Variants in ITFG1 observed in about 807,000 individuals in gnomAD.
ITFG1 encodes the protein integrin alpha FG-GAP repeat containing 1, also known as T-cell immunomodulatory protein.
ITFG1 carries 34 observed loss-of-function variants against 81.8 expected under a neutral mutation model. That is an observed-to-expected ratio of 0.42 (90% confidence interval 0.32 to 0.55). ITFG1 has a LOEUF of 0.55. Among genes scored for constraint, ITFG1 ranks in the 20% least tolerant of loss-of-function variants. The pLI is 0.17. For synonymous variants in ITFG1, 285 were observed against 270.6 expected, an observed-to-expected ratio of 1.05 and a Z score of -0.52; for missense variants, 672 against 755.4, an observed-to-expected ratio of 0.89 and a Z score of 1.29.
intron 14 of ITFG1, among the ~76,000 whole-genome samples, chr16:47,170,830 G>A (rs143924088): frequency 0.02 from 2,922 of 145,070 alleles, 98 homozygotes; most frequent in African/African-American, 0.071. Flanking sequence ...CTGCCTCCTG[G>A]GTTCAAGTGG....
chr16:47,288,744 C>T lies in ITFG1; in HGVS notation c.1070+22496G>A, dbSNP rs961371730. Among the ~76,000 whole-genome samples, 3 of 152,118 alleles carry T rather than the reference C, an allele frequency of 2.0e-5. No homozygotes were observed. The South Asian group carries it at 6.2e-4, about 31-fold the overall frequency. On this transcript the variant is annotated intron_variant, in intron 10 of 17. Coordinates refer to ENST00000320640, the MANE Select transcript of ITFG1 (RefSeq NM_030790.5). ...TGAAACCCCGTCTCCACCAGAAACA[C>T]AAAAACTAGCCAGCGTGGTGGTGCA...
intron 6 of ITFG1, among the ~76,000 whole-genome samples, chr16:47,402,366 C>A (rs1224238190): frequency 6.6e-6 from 1 of 152,098 alleles, no homozygotes; most frequent in Non-Finnish European, 1.5e-5. Flanking sequence ...AAAATAAATT[C>A]TTATTATAGT....
chr16:47,298,966 T>C (rs1472444399), intron 10 of ITFG1, among the ~76,000 whole-genome samples: 1 of 151,924 alleles, frequency 6.6e-6, no homozygotes, highest in Non-Finnish European at 1.5e-5. Context: ...AAAGCCAGAT[T>C]GGGGAACCCT....
intron 14 of ITFG1, among the ~76,000 whole-genome samples, chr16:47,207,025 T>C (rs527378585): frequency 6.6e-6 from 1 of 152,376 alleles, no homozygotes; most frequent in Admixed American, 6.5e-5. Flanking sequence ...AGTATTATGA[T>C]AGTATTTCTC....
intron 12 of ITFG1, among the ~76,000 whole-genome samples, chr16:47,246,377 G>C (rs953486723): frequency 6.6e-6 from 1 of 152,156 alleles, no homozygotes; most frequent in African/African-American, 2.4e-5. Flanking sequence ...CCATAGATAT[G>C]TGTTATAAAA....
chr16:47,315,962 T>C (rs1967350797), intron 8 of ITFG1, among the ~76,000 whole-genome samples: 1 of 152,124 alleles, frequency 6.6e-6, no homozygotes, highest in East Asian at 1.9e-4. Context: ...GGCTAACTTT[T>C]GTATATTCAG....
intron 8 of ITFG1, among the ~76,000 whole-genome samples, chr16:47,349,248 T>TC (rs1171586135): frequency 6.6e-6 from 1 of 152,184 alleles, no homozygotes; most frequent in Non-Finnish European, 1.5e-5. Flanking sequence ...ATGCTCCAAT[T>TC]AAAAGGCACG....
intron 6 of ITFG1, among the ~76,000 whole-genome samples, chr16:47,404,301 A>G (rs1489630851): frequency 6.6e-6 from 1 of 152,234 alleles, no homozygotes; most frequent in Non-Finnish European, 1.5e-5. Context: ...ATAACACATA[A>G]GAGAGTATAA....
intron 14 of ITFG1, among the ~76,000 whole-genome samples, chr16:47,182,645 G>A (rs960541860): frequency 6.6e-6 from 1 of 152,202 alleles, no homozygotes; most frequent in Non-Finnish European, 1.5e-5. Flanking sequence ...CTCATTTGTA[G>A]AATTAGAATA....
At chr16:47,270,495 G>A (rs1364262230) in intron 10 of ITFG1, among the ~76,000 whole-genome samples, 1 of 152,186 alleles carries the variant, frequency 6.6e-6, no homozygotes, top group South Asian at 2.1e-4. Flanking sequence ...AAACTGGCAT[G>A]TCTGCCATTT....
At chr16:47,328,131 C>G (rs75156732) in intron 8 of ITFG1, among the ~76,000 whole-genome samples, 1 of 152,138 alleles carries the variant, frequency 6.6e-6, no homozygotes, top group Non-Finnish European at 1.5e-5. Flanking sequence ...CCATGGAATA[C>G]TATGCAGCCA....
At chr16:47,368,555 C>CAAAAAAAAAAAAAAA (rs35965452) in intron 7 of ITFG1, among the ~76,000 whole-genome samples, 10 of 33,572 alleles carry the variant, frequency 3.0e-4, no homozygotes, top group African/African-American at 6.8e-4. Flanking sequence ...GACTCCATCT[C>CAAAAAAAAAAAAAAA]AAAAAAAAAA....
intron 8 of ITFG1, among the ~76,000 whole-genome samples, chr16:47,349,371 C>A (rs1315915754): frequency 6.6e-5 from 10 of 152,116 alleles, no homozygotes; most frequent in East Asian, 1.9e-4. Flanking sequence ...GAAGATCTAC[C>A]AAGCAAATGG....
chr16:47,165,544 T>C (rs1964878101), intron 14 of ITFG1, among the ~76,000 whole-genome samples: 1 of 152,268 alleles, frequency 6.6e-6, no homozygotes, highest in Admixed American at 6.5e-5. Context: ...AAATTTATTC[T>C]TACAGAGTTG....
At chr16:47,422,243 G>A (rs1418365308) in intron 6 of ITFG1, among the ~76,000 whole-genome samples, 1 of 152,140 alleles carries the variant, frequency 6.6e-6, no homozygotes, top group African/African-American at 2.4e-5. Context: ...GATCCTTGAG[G>A]AATCACCACA....
Position 47,235,284 on chromosome 16 carries a change from G to T in ITFG1, c.1374+2681C>A, listed in dbSNP as rs191182556. ...AGTTAAAGGTACTGGCAGAAGTAAT[G>T]TTGGTGTGTGGTAACTAAATAAGGA... On this transcript the variant is annotated intron_variant, in intron 13 of 17. Transcript: ENST00000320640. Among the ~76,000 whole-genome samples the T allele has an allele frequency of 4.6e-3, 693 of 152,290 alleles. 3 individuals carry two copies. The highest frequency in any genetic ancestry group is 7.2e-3 in the Non-Finnish European group (490 of 68,024).
intron 13 of ITFG1, among the ~76,000 whole-genome samples, chr16:47,234,509 C>G (rs985204877): frequency 6.6e-6 from 1 of 151,998 alleles, no homozygotes; most frequent in African/African-American, 2.4e-5. Context: ...AATGATTGAG[C>G]AATTTCCAAA....
chr16:47,253,167 G>C (rs1409963203), intron 12 of ITFG1, among the ~76,000 whole-genome samples: 2 of 152,110 alleles, frequency 1.3e-5, no homozygotes, highest in Non-Finnish European at 2.9e-5. Flanking sequence ...GTAAGTTGAA[G>C]GCCAGGGATT....
chr16:47,345,826 T>C (rs1446320945), intron 8 of ITFG1, among the ~76,000 whole-genome samples: 1 of 152,176 alleles, frequency 6.6e-6, no homozygotes, highest in African/African-American at 2.4e-5. Flanking sequence ...CGGTCCGTGG[T>C]TGACCAAAAT....
Sources: gnomAD v4.1 joint callset for allele counts (sites outside exome capture counted in the v4.1 genomes callset) on GRCh38, gnomAD v4.1.1 for gene constraint, MANE v1.5 for transcripts, NCBI Gene and HGNC (gene_info 2026-07-23, HGNC 2026-07-21) for gene names.